CADM2: variants seen among roughly 807,000 people sequenced by gnomAD.
CADM2 encodes the protein cell adhesion molecule 2.
A neutral mutation model predicts 49.8 loss-of-function variants in CADM2; 12 were observed. That is an observed-to-expected ratio of 0.24 (90% CI 0.15 to 0.39). The LOEUF (loss-of-function observed/expected upper bound fraction) is 0.39. Among genes scored for constraint, CADM2 ranks in the 10% least tolerant of loss-of-function variants. CADM2 has a pLI of 1.00. For synonymous variants in CADM2, 214 were observed against 175.4 expected (o/e 1.22, Z -1.74); for missense variants, 378 against 492.3 (o/e 0.77, Z 2.20).
intron 1 of CADM2, among the ~76,000 whole-genome samples, chr3:85,065,700 C>A (rs1306567055): frequency 6.6e-6 from 1 of 152,114 alleles, no homozygotes; most frequent in African/African-American, 2.4e-5. Flanking sequence ...TCCTTCTATT[C>A]ATCAGCAGGT....
intron 1 of CADM2, among the ~76,000 whole-genome samples, chr3:85,397,409 A>T (rs900449185): frequency 6.6e-6 from 1 of 152,166 alleles, no homozygotes; most frequent in African/African-American, 2.4e-5. Context: ...AATTGAGGAG[A>T]TGGTCAGACA....
chr3:85,126,956 G>A (rs1284487434), intron 1 of CADM2, among the ~76,000 whole-genome samples: 2 of 152,094 alleles, frequency 1.3e-5, no homozygotes, highest in East Asian at 3.9e-4. Flanking sequence ...GTATGTGCAT[G>A]CATTGCCTGT....
intron 2 of CADM2, among the ~76,000 whole-genome samples, chr3:85,736,170 TG>T (rs1198577111): frequency 6.6e-6 from 1 of 151,446 alleles, no homozygotes; most frequent in East Asian, 1.9e-4. Context: ...CGAAAGAAAA[TG>T]TATTTAAAAA....
chr3:85,833,032 C>CA, intron 3 of CADM2, among the ~76,000 whole-genome samples: 2 of 151,818 alleles, frequency 1.3e-5, no homozygotes, highest in Non-Finnish European at 2.9e-5. Flanking sequence ...TGAATTTTAT[C>CA]AAAAGCATTT....
intron 1 of CADM2, among the ~76,000 whole-genome samples, chr3:85,118,487 G>A (rs1293913831): frequency 6.6e-6 from 1 of 152,068 alleles, no homozygotes; most frequent in East Asian, 1.9e-4. Flanking sequence ...ATGGCAGCAG[G>A]CAAAGAGAGA....
chr3:85,014,338 A>T (rs1387273811), intron 1 of CADM2, among the ~76,000 whole-genome samples: 1 of 151,850 alleles, frequency 6.6e-6, no homozygotes. Flanking sequence ...GAATGTTGTT[A>T]TAATTGTTTT....
chr3:85,285,549 A>G (rs561677642), intron 1 of CADM2, among the ~76,000 whole-genome samples: 1 of 152,256 alleles, frequency 6.6e-6, no homozygotes, highest in African/African-American at 2.4e-5. Flanking sequence ...TGAATAGGGA[A>G]TTAACTCACA....
chr3:85,396,662 T>C (rs1297163464), intron 1 of CADM2, among the ~76,000 whole-genome samples: 2 of 152,040 alleles, frequency 1.3e-5, no homozygotes, highest in Non-Finnish European at 2.9e-5. Flanking sequence ...AATAAGCCAA[T>C]GGCAAAAGGA....
intron 1 of CADM2, among the ~76,000 whole-genome samples, chr3:85,087,857 G>A (rs536368113): frequency 6.6e-6 from 1 of 152,056 alleles, no homozygotes; most frequent in Non-Finnish European, 1.5e-5. Context: ...CTAAAAAACT[G>A]CCCCAGTTTT....
At chr3:85,456,566 C>A (rs1490884269) in intron 1 of CADM2, among the ~76,000 whole-genome samples, 1 of 152,078 alleles carries the variant, frequency 6.6e-6, no homozygotes, top group Non-Finnish European at 1.5e-5. Context: ...TTTTATATAG[C>A]ATACTTTTTC....
intron 1 of CADM2, among the ~76,000 whole-genome samples, chr3:85,405,738 G>C (rs2035341259): frequency 6.6e-6 from 1 of 151,696 alleles, no homozygotes; most frequent in Non-Finnish European, 1.5e-5. Flanking sequence ...AAGTTTTGGA[G>C]TACACGTGCA....
At chr3:85,528,789 GA>G (rs1258159895) in intron 1 of CADM2, among the ~76,000 whole-genome samples, 5 of 152,176 alleles carry the variant, frequency 3.3e-5, no homozygotes, top group Non-Finnish European at 7.4e-5. Flanking sequence ...CAGATTTAGA[GA>G]GTCACTACTA....
intron 1 of CADM2, among the ~76,000 whole-genome samples, chr3:85,135,577 C>CT (rs1029292123): frequency 3.3e-5 from 5 of 152,064 alleles, no homozygotes; most frequent in African/African-American, 1.2e-4. Flanking sequence ...ACCATCACTG[C>CT]TTTACAGGTG....
chr3:85,231,946 C>G (rs2042299216), intron 1 of CADM2, among the ~76,000 whole-genome samples: 1 of 151,282 alleles, frequency 6.6e-6, no homozygotes, highest in Non-Finnish European at 1.5e-5. Context: ...AACTCCTGAC[C>G]CCAAGTGATC....
chr3:85,357,536 T>C (rs1316052012), intron 1 of CADM2, among the ~76,000 whole-genome samples: 2 of 152,092 alleles, frequency 1.3e-5, no homozygotes, highest in East Asian at 1.9e-4. Flanking sequence ...ATCCATCTAA[T>C]TGGAGAGCAA....
At chr3:85,176,253 C>T (rs2040783209) in intron 1 of CADM2, among the ~76,000 whole-genome samples, 1 of 152,148 alleles carries the variant, frequency 6.6e-6, no homozygotes, top group African/African-American at 2.4e-5. Context: ...ATGGTACATG[C>T]ACTTCCAGCA....
chr3:85,509,381 G>A (rs746754362), intron 1 of CADM2, among the ~76,000 whole-genome samples: 3 of 152,032 alleles, frequency 2.0e-5, no homozygotes, highest in African/African-American at 7.2e-5. Context: ...TCACTATCAC[G>A]ATCATGGTCC....
chr3:85,892,359 A>T (rs184764978), intron 5 of CADM2, among the ~76,000 whole-genome samples: 1 of 152,306 alleles, frequency 6.6e-6, no homozygotes, highest in Admixed American at 6.5e-5. Flanking sequence ...ATTAATTCAC[A>T]CACAAATTAT....
chr3:85,065,250 A>G (rs987455390), intron 1 of CADM2, among the ~76,000 whole-genome samples: 1 of 152,192 alleles, frequency 6.6e-6, no homozygotes, highest in South Asian at 2.1e-4. Flanking sequence ...TAATCTACTA[A>G]ATAGAATCAA....
Sources: gnomAD v4.1 joint callset for allele counts (sites outside exome capture counted in the v4.1 genomes callset) on GRCh38, gnomAD v4.1.1 for gene constraint, MANE v1.5 for transcripts, NCBI Gene and HGNC (gene_info 2026-07-23, HGNC 2026-07-21) for gene names.